ANKS3: variants seen among roughly 807,000 people sequenced by gnomAD.
The protein encoded by ANKS3 is ankyrin repeat and SAM domain-containing protein 3.
ANKS3 carries 62 observed loss-of-function variants against 80.7 expected under a neutral mutation model. That is an observed-to-expected ratio of 0.77 (90% confidence interval 0.63 to 0.95). ANKS3 has a LOEUF of 0.95. Ranked by LOEUF, ANKS3 falls within the 40% of genes least tolerant of loss-of-function variation. ANKS3 has a pLI of 0.00. For missense variants in ANKS3, 1,150 were observed against 883.6 expected, an observed-to-expected ratio of 1.30 and a Z score of -3.82; for synonymous variants, 489 against 355.3, an observed-to-expected ratio of 1.38 and a Z score of -4.23.
At chr16:4,733,060 G>C (rs2081736330) in intron 1 of ANKS3, among the ~76,000 whole-genome samples, 1 of 151,790 alleles carries the variant, frequency 6.6e-6, no homozygotes, top group Admixed American at 6.6e-5. Context: ...TAGAAGGATG[G>C]TTACTTCTAG....
In ANKS3 at chr16:4,723,979, G is replaced by C. The variant is rs2081233781; in HGVS notation, c.573+771C>G. ...GGGGGCTGAGGCAGGAGGATCGCTT[G>C]AGCCCAGGAGGCTGAAGCTGCAGTG... is the stretch of plus-strand genomic sequence containing the variant. On this transcript the variant is annotated intron_variant, in intron 6 of 17. Transcript: ENST00000304283. Among the ~76,000 whole-genome samples, 7 of 152,270 alleles carry C rather than the reference G, an allele frequency of 4.6e-5. No individual in the cohort carries two copies. In the South Asian group the frequency reaches 1.5e-3, roughly 32 times the overall value.
At chr16:4,722,328 C>A in intron 6 of ANKS3, among the ~76,000 whole-genome samples, 1 of 151,540 alleles carries the variant, frequency 6.6e-6, no homozygotes, top group Non-Finnish European at 1.5e-5. Flanking sequence ...CACCTGTAAT[C>A]CCAGCACTTT....
At chr16:4,725,990 T>C (rs1456120011) in intron 5 of ANKS3, among the ~76,000 whole-genome samples, 2 of 151,080 alleles carry the variant, frequency 1.3e-5, no homozygotes, top group Non-Finnish European at 3.0e-5. Context: ...GTTTTTTTTT[T>C]TTTGAGATGG....
intron 11 of ANKS3, chr16:4,700,297 A>G (rs1482072928): frequency 6.5e-6 from 1 of 154,356 alleles, no homozygotes; most frequent in Non-Finnish European, 1.4e-5. Context: ...GGTGCCTGTA[A>G]TCCCAGCTAC....
chr16:4,697,262 C>G (rs2079613528), intron 16 of ANKS3, 71 bp downstream of exon 16: 4 of 1,551,982 alleles, frequency 2.6e-6, no homozygotes, highest in Non-Finnish European at 1.8e-6. Flanking sequence ...CCCGCTTTCC[C>G]TGGAAAGGGG....
chr16:4,717,562 A>G (rs542526635), intron 6 of ANKS3: 1 of 152,290 alleles, frequency 6.6e-6, no homozygotes, highest in East Asian at 1.9e-4. Flanking sequence ...ATCTCAAGAA[A>G]AAAAAAAAAT....
In ANKS3 at chr16:4,733,980, G is replaced by C. The variant is rs1366300435; in HGVS notation, c.-113C>G. 6.1e-6 allele frequency: 6 copies of C among 985,400 alleles called. No individual in the cohort carries two copies. Among genetic ancestry groups the C allele is most frequent in the Non-Finnish European group, 4.8e-6 (4 of 829,992 alleles). The allele number at this position is 985,400 out of a possible 1,614,324, so 61.0% of individuals were successfully genotyped here. A position where few individuals can be genotyped will look rare whatever the true frequency, so the allele number is the denominator to read the frequency against. On this transcript the variant is annotated 5_prime_UTR_variant, in exon 1 of 18. Transcript: ENST00000304283. ...ACGCCCCCCGGCCACATCCCCACAG[G>C]AACGCTACGGCGCACAGGGCATTAC...
rs759639498 is a variant in ANKS3 at position 4,698,563 on chromosome 16, A to G, written c.1588T>C (p.Cys530Arg). The change falls in exon 14 of 18, where the codon TGT becomes CGT. Residue 530 changes from cysteine to arginine, a missense_variant. Physicochemically the swap from Cys to Arg is radical, Grantham distance 180. Transcript: ENST00000304283. ...EEVEATRGQV[C>R]QEQELRAVVE... ...ACGGCGCGCAGCTCCTGCTCCTGAC[A>G]CACCTGGCCCCGCGTGGCCTCTACC... is the stretch of plus-strand genomic sequence containing the variant. The G allele has an allele frequency of 7.6e-6, 12 of 1,581,538 alleles. No individual in the cohort carries two copies. The highest frequency in any genetic ancestry group is 1.0e-5 in the Non-Finnish European group (12 of 1,171,194).
chr16:4,703,208 G>T (rs1011284607), intron 8 of ANKS3, among the ~76,000 whole-genome samples: 1 of 152,146 alleles, frequency 6.6e-6, no homozygotes, highest in African/African-American at 2.4e-5. Flanking sequence ...GACCTCCTGG[G>T]CTCAAGCAAT....
intron 7 of ANKS3, among the ~76,000 whole-genome samples, chr16:4,705,812 G>A (rs534272749): frequency 6.6e-6 from 1 of 152,052 alleles, no homozygotes; most frequent in Middle Eastern, 3.4e-3. Flanking sequence ...AGTCTGTATT[G>A]TTCATAATCA....
At chr16:4,706,713 C>A (rs543896395) in intron 7 of ANKS3, among the ~76,000 whole-genome samples, 2 of 152,240 alleles carry the variant, frequency 1.3e-5, no homozygotes, top group African/African-American at 2.4e-5. Context: ...TTAAGAGATA[C>A]GTGAGTTGTA....
chr16:4,710,298 G>T (rs538810177), intron 7 of ANKS3, among the ~76,000 whole-genome samples: 1 of 152,202 alleles, frequency 6.6e-6, no homozygotes, highest in East Asian at 1.9e-4. Flanking sequence ...AATGTTTGAG[G>T]TGATGGATAA....
rs773613227 is a variant in ANKS3 at position 4,702,055 on chromosome 16, C to CA, written c.1009+46_1009+47insT. 5 of 1,530,982 alleles carry CA rather than the reference C, an allele frequency of 3.3e-6. No homozygotes were observed. In the African/African-American group the frequency reaches 5.6e-5, roughly 17 times the overall value. The allele number at this position is 1,530,982 out of a possible 1,614,324, so 94.8% of individuals were successfully genotyped here. A position where few individuals can be genotyped will look rare whatever the true frequency, so the allele number is the denominator to read the frequency against. ...AAGTGGGGATGGGCACACAGGAGCT[C>CA]CAGGACCTGCCTGAGCCACGGGCCG... On this transcript the variant is annotated intron_variant, in intron 9 of 17. Coordinates refer to ENST00000304283, the MANE Select transcript of ANKS3 (RefSeq NM_133450.4).
At chr16:4,707,512 C>G (rs1471423096) in intron 7 of ANKS3, among the ~76,000 whole-genome samples, 1 of 152,042 alleles carries the variant, frequency 6.6e-6, no homozygotes, top group Non-Finnish European at 1.5e-5. Context: ...GAACTCCTGA[C>G]CTCAGGGGAT....
intron 17 of ANKS3, 52 bp downstream of exon 17, chr16:4,696,965 A>G: frequency 7.0e-6 from 11 of 1,571,154 alleles, no homozygotes; most frequent in Non-Finnish European, 9.6e-6. Flanking sequence ...GCAGCCGCCC[A>G]GACAGGCCCT....
Position 4,734,126 on chromosome 16 carries a change from G to C in ANKS3, c.-259C>G, listed in dbSNP as rs528191432. ...CTAGGCGGGCTGCAGGTGCCGGCAAGTGCTGGGGCCGGGCCGCCGCGGAAC... is the reference window on the plus strand; with the variant it reads ...CTAGGCGGGCTGCAGGTGCCGGCAACTGCTGGGGCCGGGCCGCCGCGGAAC... On this transcript the variant is annotated 5_prime_UTR_variant, in exon 1 of 18. Transcript: ENST00000304283. 1.1e-5 allele frequency: 8 copies of C among 745,094 alleles called. No individual in the cohort carries two copies. In the South Asian group the frequency reaches 3.6e-4, roughly 34 times the overall value. 46.2% of individuals were successfully genotyped at this position (745,094 alleles called of 1,614,324 possible).
intron 6 of ANKS3, among the ~76,000 whole-genome samples, chr16:4,720,436 T>G (rs566277302): frequency 5.0e-5 from 7 of 140,456 alleles, no homozygotes. Flanking sequence ...CACTCCAGCC[T>G]GGGTGACAGA....
chr16:4,712,759 C>T (rs1244814282), intron 7 of ANKS3, among the ~76,000 whole-genome samples: 1 of 152,156 alleles, frequency 6.6e-6, no homozygotes, highest in Non-Finnish European at 1.5e-5. Flanking sequence ...TAAGGAGGCT[C>T]ACTATCTCCA....
chr16:4,702,297 A>G, intron 8 of ANKS3, 55 bp from the exon 9 acceptor site: 1 of 1,410,330 alleles, frequency 7.1e-7, no homozygotes, highest in Non-Finnish European at 9.3e-7. Flanking sequence ...AAACCTCCTC[A>G]GAGGCCGAGG....
Sources: allele counts gnomAD v4.1 joint callset (sites outside exome capture counted in the v4.1 genomes callset), GRCh38; gene constraint gnomAD v4.1.1; transcripts MANE v1.5; gene names NCBI Gene and HGNC (gene_info 2026-07-23, HGNC 2026-07-21).